The following TEKT5 variants were observed in gnomAD, a reference collection of about 807,000 sequenced individuals.
The protein encoded by TEKT5 is tektin-5.
A neutral mutation model predicts 48.7 loss-of-function variants in TEKT5; 52 were observed. The ratio of observed to expected loss-of-function variants is 1.07; its 90% CI spans 0.86 to 1.35. The LOEUF (loss-of-function observed/expected upper bound fraction) is 1.35. Ranked by LOEUF, TEKT5 falls within the 40% of genes most tolerant of loss-of-function variation. The pLI, the probability that TEKT5 is intolerant of heterozygous loss-of-function variation, is 0.00. For missense variants in TEKT5, 831 were observed against 641.6 expected (o/e 1.30, Z -3.19); for synonymous variants, 318 against 267.6 (o/e 1.19, Z -1.84).
chr16:10,649,698 A>G (rs1222959189), intron 5 of TEKT5, among the ~76,000 whole-genome samples: 1 of 152,184 alleles, frequency 6.6e-6, no homozygotes, highest in African/African-American at 2.4e-5. Flanking sequence ...GGCCTCCTAA[A>G]GTGCCGGGAT....
intron 5 of TEKT5, among the ~76,000 whole-genome samples, chr16:10,636,204 G>T (rs908048540): frequency 6.6e-6 from 1 of 151,886 alleles, no homozygotes; most frequent in African/African-American, 2.4e-5. Context: ...GTGAAACCCC[G>T]TCTCTACTAA....
intron 5 of TEKT5, among the ~76,000 whole-genome samples, chr16:10,656,536 A>G (rs1898265535): frequency 6.6e-6 from 1 of 151,920 alleles, no homozygotes; most frequent in African/African-American, 2.4e-5. Flanking sequence ...GACAGGTGTG[A>G]GCCACCACAC....
chr16:10,672,122 C>A (rs1387531340), intron 5 of TEKT5, among the ~76,000 whole-genome samples: 2 of 151,972 alleles, frequency 1.3e-5, no homozygotes, highest in Non-Finnish European at 2.9e-5. Flanking sequence ...GTACTTAATG[C>A]CACAGAACTG....
At chr16:10,660,859 C>T (rs556953827) in intron 5 of TEKT5, among the ~76,000 whole-genome samples, 2 of 152,190 alleles carry the variant, frequency 1.3e-5, no homozygotes, top group Non-Finnish European at 2.9e-5. Flanking sequence ...CACCGCCACG[C>T]ACGGCTAATT....
chr16:10,691,166 C>T (rs1898967924), intron 1 of TEKT5: 1 of 97,980 alleles, frequency 1.0e-5, no homozygotes, highest in Admixed American at 1.1e-4. Context: ...CCCATCTCTA[C>T]AAAAAATTTT....
intron 5 of TEKT5, among the ~76,000 whole-genome samples, chr16:10,655,025 T>C (rs1457460807): frequency 6.9e-6 from 1 of 144,836 alleles, no homozygotes; most frequent in African/African-American, 2.6e-5. Flanking sequence ...CAATAGGAAA[T>C]TCAGATTTGC....
At chr16:10,640,437 T>C (rs950075536) in intron 5 of TEKT5, among the ~76,000 whole-genome samples, 3 of 152,158 alleles carry the variant, frequency 2.0e-5, no homozygotes, top group Non-Finnish European at 4.4e-5. Flanking sequence ...TTTTAAAAAA[T>C]AGATTTTTTT....
chr16:10,656,699 C>T (rs775974759), intron 5 of TEKT5, among the ~76,000 whole-genome samples: 2 of 152,222 alleles, frequency 1.3e-5, no homozygotes, highest in African/African-American at 2.4e-5. Context: ...TTAGGTTATA[C>T]TGATCTCTCT....
chr16:10,632,651 C>A lies in TEKT5; in HGVS notation c.1241+3113G>T, dbSNP rs1338219429. On this transcript the variant is annotated intron_variant, in intron 6 of 6. Transcript: ENST00000283025. ...TCTGGGGGATAGGCATGGATGGGAC[C>A]CTAGTGATTGGAGTAGGTCAGGAGA... is the stretch of plus-strand genomic sequence containing the variant. Among the ~76,000 whole-genome samples, 4 of 151,642 alleles carry A rather than the reference C, an allele frequency of 2.6e-5. No individual in the cohort carries two copies. In the East Asian group the frequency reaches 7.7e-4, roughly 29 times the overall value.
At chr16:10,690,493 T>G in intron 1 of TEKT5, 1 of 868,554 alleles carries the variant, frequency 1.2e-6, no homozygotes. Flanking sequence ...GGTTTCCTCC[T>G]CTGCAGATGG....
intron 5 of TEKT5, among the ~76,000 whole-genome samples, chr16:10,645,540 C>T (rs1380810564): frequency 6.6e-6 from 1 of 151,992 alleles, no homozygotes; most frequent in Non-Finnish European, 1.5e-5. Flanking sequence ...CAGTGGCTCA[C>T]GCCTGTAATC....
chr16:10,682,083 G>A lies in TEKT5; in HGVS notation c.773C>T (p.Ser258Leu), dbSNP rs1480136090. The A allele has an allele frequency of 1.2e-6, 2 of 1,614,058 alleles. No individual in the cohort carries two copies. Among genetic ancestry groups the A allele is most frequent in the Admixed American group, 1.7e-5 (1 of 60,000 alleles). The change falls in exon 4 of 7, where the codon TCG becomes TTG. Residue 258 changes from serine to leucine, a missense_variant. Physicochemically the swap from Ser to Leu is moderately radical, Grantham distance 145. Coordinates refer to ENST00000283025, the MANE Select transcript of TEKT5 (RefSeq NM_144674.2). ...GCACTTCTCATCGATACACTGGGCCGAGCTTTTGTCTTCGAGGTCCCTCTC... is the reference window on the plus strand; with the variant it reads ...GCACTTCTCATCGATACACTGGGCCAAGCTTTTGTCTTCGAGGTCCCTCTC... ...VLERDLEDKS[S>L]AQCIDEKCFN...
rs765929515 is a variant in TEKT5 at position 10,682,027 on chromosome 16, T to A, written c.829A>T (p.Ser277Cys). The stretch of plus-strand genomic sequence containing the variant: ...ATTTTCTCCATGCCGTGGAAGAAGC[T>A]GATGCAGTCTGACGTATTTCTCAGG... Reference protein sequence around the residue: ...FNLRNTSDCISFFHGMEKIDG... With the variant: ...FNLRNTSDCICFFHGMEKIDG... The change falls in exon 4 of 7, where the codon AGC becomes TGC. Residue 277 changes from serine to cysteine, a missense_variant. Physicochemically the swap from Ser to Cys is moderately radical, Grantham distance 112 (BLOSUM62 -1). Transcript: ENST00000283025. 1 of 1,614,172 alleles carries A rather than the reference T, an allele frequency of 6.2e-7. No homozygotes were observed. Among genetic ancestry groups the A allele is most frequent in the Non-Finnish European group, 8.5e-7 (1 of 1,180,002 alleles).
chr16:10,676,122 T>C lies in TEKT5; in HGVS notation c.923A>G (p.Asn308Ser), dbSNP rs1482074220. Residue 308 changes from asparagine (N) to serine (S), a missense_variant, in exon 5 of 7, where the codon AAC becomes AGC. Coordinates refer to ENST00000283025, the MANE Select transcript of TEKT5 (RefSeq NM_144674.2). ...CAGCTGGATGGAGTTGGCCCGCATGTTCTGAGAGTGTTTGATGTTGTCGTT... is the reference window on the plus strand; with the variant it reads ...CAGCTGGATGGAGTTGGCCCGCATGCTCTGAGAGTGTTTGATGTTGTCGTT... The part of the protein sequence containing the change: ...FSNDNIKHSQ[N>S]MRANSIQLRE... 1.9e-6 allele frequency: 3 copies of C among 1,614,210 alleles called. No homozygotes were observed. The highest frequency in any genetic ancestry group is 3.3e-5 in the Admixed American group (2 of 60,028).
chr16:10,658,959 C>A (rs1211807041), intron 5 of TEKT5, among the ~76,000 whole-genome samples: 1 of 152,134 alleles, frequency 6.6e-6, no homozygotes, highest in Non-Finnish European at 1.5e-5. Flanking sequence ...CTCAAGTGAT[C>A]CACCCACTTC....
intron 5 of TEKT5, among the ~76,000 whole-genome samples, chr16:10,662,343 T>G (rs1898388092): frequency 6.6e-6 from 1 of 152,174 alleles, no homozygotes; most frequent in Non-Finnish European, 1.5e-5. Context: ...TGGGTGGAGG[T>G]GGGGGAAGTG....
chr16:10,638,325 C>T (rs1309979545), intron 5 of TEKT5, among the ~76,000 whole-genome samples: 1 of 152,256 alleles, frequency 6.6e-6, no homozygotes, highest in East Asian at 1.9e-4. Flanking sequence ...CATCCACTCT[C>T]TACCCTATTG....
chr16:10,680,182 G>C (rs963243325), intron 4 of TEKT5, among the ~76,000 whole-genome samples: 1 of 152,238 alleles, frequency 6.6e-6, no homozygotes, highest in Non-Finnish European at 1.5e-5. Context: ...CAGTGCCATG[G>C]AGGAGAGCAC....
intron 5 of TEKT5, among the ~76,000 whole-genome samples, chr16:10,644,996 A>G (rs1332131304): frequency 1.3e-5 from 2 of 152,208 alleles, no homozygotes; most frequent in African/African-American, 2.4e-5. Flanking sequence ...TCTTTCTGCC[A>G]GGTGAAGAAA....
Sources: allele counts gnomAD v4.1 joint callset (sites outside exome capture counted in the v4.1 genomes callset), GRCh38; gene constraint gnomAD v4.1.1; transcripts MANE v1.5; gene names NCBI Gene and HGNC (gene_info 2026-07-23, HGNC 2026-07-21).